The following FRMD4B variants were observed in gnomAD, a reference collection of about 807,000 sequenced individuals.
The protein encoded by FRMD4B is FERM domain-containing protein 4B.
FRMD4B carries 74 observed loss-of-function variants against 141.5 expected under a neutral mutation model. That is an observed-to-expected ratio of 0.52 (90% CI 0.43 to 0.63). FRMD4B has a LOEUF of 0.63. Among genes scored for constraint, FRMD4B ranks in the 30% least tolerant of loss-of-function variants. The pLI is 0.00. For synonymous variants in FRMD4B, 506 were observed against 467.9 expected (o/e 1.08, Z -1.05); for missense variants, 1,366 against 1,253.4 (o/e 1.09, Z -1.36).
intron 16 of FRMD4B, among the ~76,000 whole-genome samples, 169 bp from the exon 17 acceptor site, chr3:69,194,042 CG>C (rs2092871315): frequency 6.6e-6 from 1 of 152,206 alleles, no homozygotes; most frequent in Non-Finnish European, 1.5e-5. Context: ...TTCCTTTACT[CG>C]TCTTAACTTC....
intron 2 of FRMD4B, among the ~76,000 whole-genome samples, chr3:69,392,119 C>T (rs531328679): frequency 1.3e-5 from 2 of 152,324 alleles, no homozygotes; most frequent in East Asian, 3.9e-4. Flanking sequence ...CAGTCTTGTT[C>T]ATTAGAAAAT....
At chr3:69,442,972 G>C (rs1252483767) in intron 1 of FRMD4B, among the ~76,000 whole-genome samples, 5 of 152,184 alleles carry the variant, frequency 3.3e-5, no homozygotes, top group Non-Finnish European at 5.9e-5. Context: ...TGTAACTTCG[G>C]AGTGATTGGG....
At chr3:69,214,595 G>C (rs904057912) in intron 11 of FRMD4B, among the ~76,000 whole-genome samples, 33 of 152,100 alleles carry the variant, frequency 2.2e-4, no homozygotes, top group Non-Finnish European at 4.6e-4. Context: ...ACAGTGGCTC[G>C]TGCCTGTAAT....
chr3:69,539,855 G>GTA (rs1285099847), intron 1 of FRMD4B, among the ~76,000 whole-genome samples: 4 of 152,136 alleles, frequency 2.6e-5, no homozygotes, highest in Admixed American at 2.0e-4. Context: ...GTGTGTGTGT[G>GTA]TGTGCGTGTT....
At chr3:69,451,985 C>A (rs902084513) in intron 1 of FRMD4B, among the ~76,000 whole-genome samples, 2 of 152,192 alleles carry the variant, frequency 1.3e-5, no homozygotes, top group Admixed American at 1.3e-4. Context: ...TTCTTCTTTG[C>A]ATAATGGAGC....
intron 1 of FRMD4B, among the ~76,000 whole-genome samples, chr3:69,448,569 G>T (rs1372647893): frequency 6.6e-6 from 1 of 152,176 alleles, no homozygotes; most frequent in Non-Finnish European, 1.5e-5. Context: ...TAATAGCTAT[G>T]AAGCAGTTGG....
intron 1 of FRMD4B, among the ~76,000 whole-genome samples, chr3:69,505,212 AT>A: frequency 6.6e-6 from 1 of 151,942 alleles, no homozygotes; most frequent in East Asian, 1.9e-4. Flanking sequence ...TCTACAAAAA[AT>A]TAAAAATAAA....
intron 1 of FRMD4B, among the ~76,000 whole-genome samples, chr3:69,532,225 C>G (rs1701017913): frequency 6.6e-6 from 1 of 152,182 alleles, no homozygotes; most frequent in Non-Finnish European, 1.5e-5. Flanking sequence ...GCCACACTCT[C>G]TTAATGTTTT....
intron 5 of FRMD4B, among the ~76,000 whole-genome samples, chr3:69,287,436 CG>C (rs1700723624): frequency 6.6e-6 from 1 of 152,094 alleles, no homozygotes; most frequent in South Asian, 2.1e-4. Context: ...CTGGCCTAGA[CG>C]TTTTGATTAT....
chr3:69,475,212 T>C (rs576284299), intron 1 of FRMD4B, among the ~76,000 whole-genome samples: 1 of 152,266 alleles, frequency 6.6e-6, no homozygotes, highest in Admixed American at 6.5e-5. Context: ...TTTTTTCTTT[T>C]ATTATTATTA....
intron 1 of FRMD4B, among the ~76,000 whole-genome samples, chr3:69,329,833 C>A (rs1702308658): frequency 6.6e-6 from 1 of 152,002 alleles, no homozygotes; most frequent in African/African-American, 2.4e-5. Context: ...GGGTACTGGG[C>A]TTTATACCTG....
intron 7 of FRMD4B, among the ~76,000 whole-genome samples, chr3:69,229,244 T>C (rs2093283402): frequency 6.6e-6 from 1 of 152,070 alleles, no homozygotes; most frequent in Non-Finnish European, 1.5e-5. Flanking sequence ...CTGGCTGATC[T>C]CAAACTCCTG....
At chr3:69,462,528 G>T (rs1253089355) in intron 1 of FRMD4B, among the ~76,000 whole-genome samples, 1 of 152,210 alleles carries the variant, frequency 6.6e-6, no homozygotes, top group African/African-American at 2.4e-5. Context: ...CTGAAGCTTG[G>T]TAAGGTTAAG....
intron 7 of FRMD4B, among the ~76,000 whole-genome samples, chr3:69,235,192 TAA>T (rs1559740574): frequency 1.3e-4 from 19 of 144,742 alleles, no homozygotes; most frequent in African/African-American, 4.9e-4. Flanking sequence ...ATAATAATAA[TAA>T]TAATATTTTC....
In FRMD4B at chr3:69,169,199, G is replaced by T. The variant is rs11128117; in HGVS notation, c.*2662C>A. Among the ~76,000 whole-genome samples the T allele has an allele frequency of 6.6e-6, 1 of 152,078 alleles. No homozygotes were observed. The highest frequency in any genetic ancestry group is 2.4e-5 in the African/African-American group (1 of 41,424). On this transcript the variant is annotated 3_prime_UTR_variant, in exon 23 of 23. Transcript: ENST00000398540. ...AACCATGGTATTTTGTAATAAAAAAGAGGAAACGTACATGTTGAATAATGT... is the reference window on the plus strand; with the variant it reads ...AACCATGGTATTTTGTAATAAAAAATAGGAAACGTACATGTTGAATAATGT...
chr3:69,291,910 CTTTTTTTTTTTT>C lies in FRMD4B; in HGVS notation c.417-4086_417-4075del, dbSNP rs35703345. ...AATACAAAGTGCTCTACAGGAATCT[CTTTTTTTTTTTT>C]TTTTTTTTTTTCCATCTTTGGTACC... On this transcript the variant is annotated intron_variant, in intron 4 of 22. Transcript: ENST00000398540. 3.0e-3 allele frequency among the ~76,000 whole-genome samples: 320 copies of C among 105,502 alleles called. 1 individual carries two copies. The highest frequency in any genetic ancestry group is 0.019 in the South Asian group (53 of 2,826). 69.2% of individuals were successfully genotyped at this position (105,502 alleles called of 152,430 possible).
chr3:69,438,093 A>G (rs1469066693), intron 1 of FRMD4B, among the ~76,000 whole-genome samples: 1 of 146,878 alleles, frequency 6.8e-6, no homozygotes, highest in Non-Finnish European at 1.5e-5. Context: ...TATTATATAT[A>G]ATATAATAGT....
intron 1 of FRMD4B, among the ~76,000 whole-genome samples, chr3:69,332,030 T>G (rs917158594): frequency 5.9e-5 from 9 of 152,016 alleles, no homozygotes; most frequent in Admixed American, 5.9e-4. Flanking sequence ...GAGGTTAAAG[T>G]CAGCTGAGAT....
intron 1 of FRMD4B, among the ~76,000 whole-genome samples, chr3:69,451,524 T>G (rs1211884759): frequency 6.6e-6 from 1 of 152,190 alleles, no homozygotes; most frequent in Non-Finnish European, 1.5e-5. Flanking sequence ...TGTCTTCTCT[T>G]TATAGGTATG....
Sources: gnomAD v4.1 joint callset for allele counts (sites outside exome capture counted in the v4.1 genomes callset) on GRCh38, gnomAD v4.1.1 for gene constraint, MANE v1.5 for transcripts, NCBI Gene and HGNC (gene_info 2026-07-23, HGNC 2026-07-21) for gene names.